PMEPA1: variants seen among roughly 807,000 people sequenced by gnomAD.
PMEPA1 encodes the protein protein TMEPAI.
In PMEPA1, 11 loss-of-function variants were observed where a neutral mutation model predicts 23.0. That is an observed-to-expected ratio of 0.48 (90% CI 0.30 to 0.79). The LOEUF is 0.79. Among genes scored for constraint, PMEPA1 ranks in the 30% least tolerant of loss-of-function variants. The pLI is 0.06. For missense variants in PMEPA1, 377 were observed against 390.9 expected (o/e 0.96, Z 0.30); for synonymous variants, 204 against 166.4 (o/e 1.23, Z -1.74).
At chr20:57,697,983 G>A (rs747515368) in intron 1 of PMEPA1, among the ~76,000 whole-genome samples, 2 of 152,202 alleles carry the variant, frequency 1.3e-5, no homozygotes, top group Non-Finnish European at 2.9e-5. Context: ...TCCCTTACAC[G>A]TGAGCCTAAA....
At chr20:57,662,250 C>T (rs1048150853) in intron 1 of PMEPA1, among the ~76,000 whole-genome samples, 1 of 152,212 alleles carries the variant, frequency 6.6e-6, no homozygotes, top group Non-Finnish European at 1.5e-5. Flanking sequence ...ACAGGACTGT[C>T]CCCCATGACA....
chr20:57,703,607 G>A (rs998028727), intron 1 of PMEPA1, among the ~76,000 whole-genome samples: 11 of 152,200 alleles, frequency 7.2e-5, no homozygotes, highest in Non-Finnish European at 1.3e-4. Flanking sequence ...CCAGGTCTGC[G>A]GTGGGCCTGG....
intron 1 of PMEPA1, among the ~76,000 whole-genome samples, chr20:57,676,839 G>A (rs1018277957): frequency 1.3e-5 from 2 of 152,164 alleles, no homozygotes; most frequent in Non-Finnish European, 2.9e-5. Flanking sequence ...GTTTCTCCAC[G>A]TGGCCTCCTT....
chr20:57,707,532 C>T (rs1171785898), intron 1 of PMEPA1, among the ~76,000 whole-genome samples: 2 of 151,994 alleles, frequency 1.3e-5, no homozygotes, highest in African/African-American at 2.4e-5. Context: ...CTGCTGGCGG[C>T]GGCGGGGCAA....
intron 1 of PMEPA1, among the ~76,000 whole-genome samples, chr20:57,703,080 G>C (rs1568687684): frequency 6.6e-6 from 1 of 152,234 alleles, no homozygotes; most frequent in African/African-American, 2.4e-5. Flanking sequence ...TCAAGGTTTG[G>C]CTTTGTAGTG....
intron 1 of PMEPA1, among the ~76,000 whole-genome samples, chr20:57,663,510 G>A (rs904242786): frequency 2.6e-5 from 4 of 152,166 alleles, no homozygotes; most frequent in African/African-American, 7.2e-5. Flanking sequence ...ACCCAGACAC[G>A]GGATGCTCAA....
intron 2 of PMEPA1, among the ~76,000 whole-genome samples, chr20:57,653,840 G>A (rs2071288831): frequency 6.6e-6 from 1 of 152,178 alleles, no homozygotes; most frequent in Admixed American, 6.5e-5. Flanking sequence ...CTTGTCATCT[G>A]TTGATTCCCT....
Position 57,656,302 on chromosome 20 carries a change from G to A in PMEPA1, c.265-3216C>T, listed in dbSNP as rs1053492952. 3.3e-5 allele frequency among the ~76,000 whole-genome samples: 5 copies of A among 151,288 alleles called. No individual in the cohort carries two copies. Among genetic ancestry groups the A allele is most frequent in the Admixed American group, 6.6e-5 (1 of 15,240 alleles). On this transcript the variant is annotated intron_variant, in intron 2 of 3. Transcript: ENST00000341744. This position sits in a 1 kb window ranked among gnomAD's most constrained non-coding sequence, Gnocchi z 4.7. Reference sequence around the variant, plus strand: ...TGGCTCCCGCTGCTGGCAGATTGTCGCACATTGGCCTGGCCACAGTCTTGT... The same window carrying A: ...TGGCTCCCGCTGCTGGCAGATTGTCACACATTGGCCTGGCCACAGTCTTGT...
chr20:57,684,381 A>T (rs922757009), intron 1 of PMEPA1, among the ~76,000 whole-genome samples: 14 of 152,102 alleles, frequency 9.2e-5, no homozygotes, highest in Admixed American at 1.3e-4. Flanking sequence ...CCTGACCTGA[A>T]CATGTAGCGG....
At chr20:57,664,558 C>T (rs753330235) in intron 1 of PMEPA1, among the ~76,000 whole-genome samples, 6 of 149,764 alleles carry the variant, frequency 4.0e-5, no homozygotes, top group Admixed American at 3.3e-4. Flanking sequence ...GAATCCTCTT[C>T]GTGCCTGCAT....
chr20:57,704,442 G>A lies in PMEPA1; in HGVS notation c.109+5032C>T, dbSNP rs769882021. On this transcript the variant is annotated intron_variant, in intron 1 of 3. Coordinates refer to ENST00000341744, the MANE Select transcript of PMEPA1 (RefSeq NM_020182.5). The surrounding 1 kb of genome is among the most constrained non-coding windows in gnomAD (Gnocchi z 4.6). ...CGTGCCCCAACCATGCGTGCGTTACGCAACACTTTGTAAAAAGCAAAAAAT... is the reference window on the plus strand; with the variant it reads ...CGTGCCCCAACCATGCGTGCGTTACACAACACTTTGTAAAAAGCAAAAAAT... Among the ~76,000 whole-genome samples, 2 of 152,118 alleles carry A rather than the reference G, an allele frequency of 1.3e-5. No individual in the cohort carries two copies. Among genetic ancestry groups the A allele is most frequent in the Admixed American group, 6.5e-5 (1 of 15,286 alleles).
chr20:57,694,649 C>T (rs1314557178), intron 1 of PMEPA1, among the ~76,000 whole-genome samples: 1 of 152,216 alleles, frequency 6.6e-6, no homozygotes, highest in East Asian at 1.9e-4. Context: ...CCCTCTGAGC[C>T]TCAGTCTATT....
chr20:57,674,148 T>C (rs754477565), intron 1 of PMEPA1, among the ~76,000 whole-genome samples: 3 of 152,176 alleles, frequency 2.0e-5, no homozygotes, highest in Non-Finnish European at 2.9e-5. Flanking sequence ...TGTGGCTGCA[T>C]GTAAAGACGG....
chr20:57,657,273 C>T (rs759316322), intron 2 of PMEPA1, among the ~76,000 whole-genome samples: 3 of 152,214 alleles, frequency 2.0e-5, no homozygotes, highest in Non-Finnish European at 4.4e-5. Flanking sequence ...TGAGTCCAGC[C>T]TGGAGTTAGT....
chr20:57,662,702 C>T (rs1372498089), intron 1 of PMEPA1, among the ~76,000 whole-genome samples: 2 of 152,138 alleles, frequency 1.3e-5, no homozygotes, highest in African/African-American at 4.8e-5. Context: ...TGTGTAACAC[C>T]CACGCCCCCC....
chr20:57,664,490 G>A (rs535746901), intron 1 of PMEPA1, among the ~76,000 whole-genome samples: 4 of 152,336 alleles, frequency 2.6e-5, no homozygotes, highest in Admixed American at 2.6e-4. Context: ...TTCAAAACAT[G>A]ATGTGTGTAT....
At chr20:57,679,438 A>G (rs1292645931) in intron 1 of PMEPA1, among the ~76,000 whole-genome samples, 2 of 152,214 alleles carry the variant, frequency 1.3e-5, no homozygotes, top group African/African-American at 4.8e-5. Context: ...CGATTCAGGT[A>G]TCATTTTCCA....
At chr20:57,685,548 T>C (rs2071789751) in intron 1 of PMEPA1, among the ~76,000 whole-genome samples, 1 of 152,188 alleles carries the variant, frequency 6.6e-6, no homozygotes, top group Non-Finnish European at 1.5e-5. Flanking sequence ...CAGATGGACT[T>C]AAATGAAAAT....
chr20:57,651,473 C>T lies in PMEPA1; in HGVS notation c.*580G>A, dbSNP rs946372902. ...AACATTTATATAAATAACTCTAAAC[C>T]CCTGCTTTGTAATTTTTTTCTTTAC... is the stretch of plus-strand genomic sequence containing the variant. On this transcript the variant is annotated 3_prime_UTR_variant, in exon 4 of 4. Transcript: ENST00000341744. The T allele has an allele frequency of 6.6e-6, 1 of 152,516 alleles. No homozygotes were observed. Among genetic ancestry groups the T allele is most frequent in the African/African-American group, 2.4e-5 (1 of 41,378 alleles). The allele number at this position is 152,516 out of a possible 1,614,324, so 9.4% of individuals were successfully genotyped here.
Sources: allele counts gnomAD v4.1 joint callset (sites outside exome capture counted in the v4.1 genomes callset), GRCh38; gene constraint gnomAD v4.1.1; non-coding constraint Gnocchi (gnomAD v3.1); transcripts MANE v1.5; gene names NCBI Gene and HGNC (gene_info 2026-07-23, HGNC 2026-07-21).